EFCAB8: variants seen among roughly 807,000 people sequenced by gnomAD.
EFCAB8 encodes the protein EF-hand calcium-binding domain-containing protein 8.
In EFCAB8, 100 loss-of-function variants were observed where a neutral mutation model predicts 116.3. The ratio of observed to expected loss-of-function variants is 0.86; its 90% confidence interval spans 0.73 to 1.02. The LOEUF (loss-of-function observed/expected upper bound fraction) is 1.02, where lower values mean the gene tolerates loss of function less well. EFCAB8 is among the 50% of genes least tolerant of loss of function. The pLI is 0.00. For synonymous variants in EFCAB8, 558 were observed against 567.9 expected (o/e 0.98, Z 0.25); for missense variants, 1,320 against 1,416.9 (o/e 0.93, Z 1.10).
intron 16 of EFCAB8, among the ~76,000 whole-genome samples, 190 bp downstream of exon 16, chr20:32,911,897 G>A (rs564078773): frequency 1.8e-3 from 268 of 152,284 alleles, no homozygotes; most frequent in African/African-American, 6.2e-3. Context: ...AACAGTGCCT[G>A]GACTAATGGG....
chr20:32,907,741 G>A (rs1568923024), intron 13 of EFCAB8, among the ~76,000 whole-genome samples: 1 of 152,182 alleles, frequency 6.6e-6, no homozygotes, highest in Non-Finnish European at 1.5e-5. Context: ...TGGGGACAGG[G>A]ACAGTCTCGC....
chr20:32,959,105 C>T (rs1009485152), intron 24 of EFCAB8, among the ~76,000 whole-genome samples: 4 of 152,208 alleles, frequency 2.6e-5, no homozygotes. Flanking sequence ...GTATTGAGAT[C>T]CTACTGACTG....
chr20:32,889,302 T>G lies in EFCAB8; in HGVS notation c.569T>G (p.Leu190Arg). The G allele has an allele frequency of 6.4e-7, 1 of 1,551,600 alleles. No individual in the cohort carries two copies. The highest frequency in any genetic ancestry group is 1.2e-5 in the South Asian group (1 of 84,052). ...CTCCTCTGCTCTTCCTCTGGCCAGC[T>G]TAACCAGACCCAGCAGCTCTACAAC... Reference protein sequence around the residue: ...ESFSLMSSFRLNQTQQLYNQP... With the variant: ...ESFSLMSSFRRNQTQQLYNQP... Residue 190 changes from leucine (L) to arginine (R), a missense_variant and splice_region_variant, in exon 7 of 27, where the codon CTT becomes CGT. Leu to Arg is a moderately radical substitution (Grantham distance 102). Transcript: ENST00000400522.
At chr20:32,960,208 G>A in intron 26 of EFCAB8, 47 bp downstream of exon 26, 2 of 1,520,538 alleles carry the variant, frequency 1.3e-6, no homozygotes, top group Non-Finnish European at 1.8e-6. Flanking sequence ...TCAGGGGCCA[G>A]GGGATCCCAT....
intron 1 of EFCAB8, among the ~76,000 whole-genome samples, chr20:32,862,659 C>T (rs1283018657): frequency 6.6e-6 from 1 of 151,910 alleles, no homozygotes. Context: ...CAGAGTCTTG[C>T]TCTTGTTGCC....
At chr20:32,859,135 C>G (rs933550525) in intron 1 of EFCAB8, 129 bp downstream of exon 1, 2 of 432,520 alleles carry the variant, frequency 4.6e-6, no homozygotes, top group East Asian at 1.5e-4. Flanking sequence ...ATGCATGTAT[C>G]CTTAAGTCAT....
intron 3 of EFCAB8, among the ~76,000 whole-genome samples, chr20:32,874,037 C>A (rs1271646627): frequency 6.6e-6 from 1 of 151,922 alleles, no homozygotes; most frequent in Non-Finnish European, 1.5e-5. Context: ...CCTCCCAGCT[C>A]AACCTCCCCA....
At chr20:32,878,508 C>CTTTT (rs1292839813) in intron 4 of EFCAB8, among the ~76,000 whole-genome samples, 196 bp from the exon 5 acceptor site, 5 of 116,640 alleles carry the variant, frequency 4.3e-5, no homozygotes, top group African/African-American at 6.2e-5. Flanking sequence ...GGCTTGAGTT[C>CTTTT]TTTTTTTTTT....
chr20:32,939,668 T>C (rs1390108855), intron 22 of EFCAB8, among the ~76,000 whole-genome samples: 1 of 143,462 alleles, frequency 7.0e-6, no homozygotes, highest in Admixed American at 6.9e-5. Flanking sequence ...TTTTCTTTTT[T>C]TCTCCCTTCC....
intron 20 of EFCAB8, among the ~76,000 whole-genome samples, chr20:32,922,099 G>A (rs1429662267): frequency 6.6e-6 from 1 of 152,108 alleles, no homozygotes; most frequent in African/African-American, 2.4e-5. Context: ...AAAGTGCTGG[G>A]ATTACAGGCA....
intron 2 of EFCAB8, 31 bp downstream of exon 2, chr20:32,863,865 G>T: frequency 6.5e-7 from 1 of 1,550,262 alleles, no homozygotes; most frequent in Non-Finnish European, 8.7e-7. Context: ...AACTAATAAA[G>T]GGTGGGGCAT....
At chr20:32,955,776 C>G (rs1988948765) in intron 23 of EFCAB8, among the ~76,000 whole-genome samples, 1 of 152,126 alleles carries the variant, frequency 6.6e-6, no homozygotes. Context: ...TCCTGCCTCA[C>G]ATGTGCAAAT....
chr20:32,942,367 C>G (rs765740625), intron 22 of EFCAB8, among the ~76,000 whole-genome samples: 8 of 151,904 alleles, frequency 5.3e-5, no homozygotes, highest in Non-Finnish European at 1.2e-4. Context: ...TGGTAACTAT[C>G]TTTTATAAAT....
At chr20:32,859,124 A>G (rs745859459) in intron 1 of EFCAB8, 118 bp downstream of exon 1, 7 of 450,332 alleles carry the variant, frequency 1.6e-5, no homozygotes, top group Non-Finnish European at 2.7e-5. Flanking sequence ...GCTGGCTTTC[A>G]ATGCATGTAT....
intron 22 of EFCAB8, among the ~76,000 whole-genome samples, chr20:32,943,376 T>C (rs888525255): frequency 5.9e-5 from 9 of 152,320 alleles, no homozygotes; most frequent in Non-Finnish European, 5.9e-5. Context: ...AAGTCATATG[T>C]AGTCAGCTTG....
At position 32,906,912 on chromosome 20, in the gene EFCAB8, TGAAGG is replaced by T. The variant is rs1296360183; in HGVS notation, c.1229_1233del (p.Lys410ThrfsTer12). On this transcript the variant is annotated frameshift_variant, in exon 13 of 27. Transcript: ENST00000400522. LOFTEE classifies it high-confidence loss of function. ...GTCTCAAAGAGGCCCGTGTGGCTGA[TGAAGG>T]GACACCAGACCTCAGTGACGCACAT... is the stretch of plus-strand genomic sequence containing the variant. 3.2e-6 allele frequency: 5 copies of T among 1,551,158 alleles called. No individual in the cohort carries two copies. The highest frequency in any genetic ancestry group is 4.4e-6 in the Non-Finnish European group (5 of 1,146,776).
chr20:32,961,408 G>T lies in EFCAB8; in HGVS notation c.3666G>T (p.Thr1222=). ...LLDSSLPTFL[T]PQFSFLLRPQ... Reference sequence around the variant, plus strand: ...ACTCCAGCTTGCCCACCTTCCTGACGCCCCAGTTCTCCTTCTTGCTGCGGC... The same window carrying T: ...ACTCCAGCTTGCCCACCTTCCTGACTCCCCAGTTCTCCTTCTTGCTGCGGC... The change falls in exon 27 of 27, where the codon ACG becomes ACT. Residue 1222 remains threonine (T), a synonymous_variant. Coordinates refer to ENST00000400522, the MANE Select transcript of EFCAB8 (RefSeq NM_001143967.2). 6.9e-7 allele frequency: 1 copy of T among 1,457,864 alleles called. No homozygotes were observed. The highest frequency in any genetic ancestry group is 9.1e-7 in the Non-Finnish European group (1 of 1,103,360). The allele number at this position is 1,457,864 out of a possible 1,614,324, so 90.3% of individuals were successfully genotyped here.
intron 20 of EFCAB8, among the ~76,000 whole-genome samples, chr20:32,926,963 A>G (rs1214903968): frequency 6.6e-6 from 1 of 151,568 alleles, no homozygotes; most frequent in Non-Finnish European, 1.5e-5. Context: ...TAATGCCGCA[A>G]TAAACATACG....
intron 15 of EFCAB8, among the ~76,000 whole-genome samples, chr20:32,910,608 C>T (rs1233738399): frequency 6.6e-6 from 1 of 152,088 alleles, no homozygotes; most frequent in Non-Finnish European, 1.5e-5. Context: ...CTGGCTCCTG[C>T]CACCACCCTC....
Sources: gnomAD v4.1 joint callset for allele counts (sites outside exome capture counted in the v4.1 genomes callset) on GRCh38, gnomAD v4.1.1 for gene constraint, MANE v1.5 for transcripts, NCBI Gene and HGNC (gene_info 2026-07-23, HGNC 2026-07-21) for gene names.